Variants in TMOD1 observed in about 807,000 individuals in gnomAD.
TMOD1 encodes tropomodulin-1.
In TMOD1, 17 loss-of-function variants were observed where a neutral mutation model predicts 40.6. That is an observed-to-expected ratio of 0.42 (90% CI 0.29 to 0.63). The LOEUF (loss-of-function observed/expected upper bound fraction) is 0.63. Among genes scored for constraint, TMOD1 ranks in the 20% least tolerant of loss-of-function variants. The pLI, the probability that TMOD1 is intolerant of heterozygous loss-of-function variation, is 0.22. For missense variants in TMOD1, 391 were observed against 447.6 expected, an observed-to-expected ratio of 0.87 and a Z score of 1.14; for synonymous variants, 181 against 175.0, an observed-to-expected ratio of 1.03 and a Z score of -0.27.
At position 97,513,397 on chromosome 9, in the gene TMOD1, G is replaced by T. The variant is rs547151757; in HGVS notation, c.-48-10744G>T. Among the ~76,000 whole-genome samples, 1 of 152,184 alleles carries T rather than the reference G, an allele frequency of 6.6e-6. No individual in the cohort carries two copies. The highest frequency in any genetic ancestry group is 1.9e-4 in the East Asian group (1 of 5,200). Reference sequence around the variant, plus strand: ...GCTGCCCAGTCAGCTAGAGCCAGGGGTAGGGATTTCAGCCCAGGTTTGCAT... The same window carrying T: ...GCTGCCCAGTCAGCTAGAGCCAGGGTTAGGGATTTCAGCCCAGGTTTGCAT... On this transcript the variant is annotated intron_variant, in intron 1 of 9. Coordinates refer to ENST00000259365, the MANE Select transcript of TMOD1 (RefSeq NM_003275.4). This position sits in a 1 kb window ranked among gnomAD's most constrained non-coding sequence, Gnocchi z 4.1.
intron 8 of TMOD1, among the ~76,000 whole-genome samples, chr9:97,574,338 G>C (rs373275404): frequency 6.6e-6 from 1 of 152,106 alleles, no homozygotes; most frequent in African/African-American, 2.4e-5. Context: ...CGCCGGCTCC[G>C]GGCAGTGAGG....
Position 97,599,556 on chromosome 9 carries a change from C to A in TMOD1, c.1016-78C>A. The A allele has an allele frequency of 3.2e-6, 5 of 1,586,230 alleles. No individual in the cohort carries two copies. The South Asian group carries it at 5.6e-5, about 18-fold the overall frequency. ...ACAAACCAATTAGTGCGAGGTTTCA[C>A]AGTGCTTTCTCAGCAACAGTGCTGG... On this transcript the variant is annotated intron_variant, in intron 9 of 9. Coordinates refer to ENST00000259365, the MANE Select transcript of TMOD1 (RefSeq NM_003275.4).
At chr9:97,566,922 TAA>T (rs1830738125) in intron 7 of TMOD1, among the ~76,000 whole-genome samples, 1 of 152,180 alleles carries the variant, frequency 6.6e-6, no homozygotes, top group Admixed American at 6.5e-5. Flanking sequence ...TCCACTTTCA[TAA>T]AGATTCTGGT....
chr9:97,532,396 C>T (rs1270688753), intron 2 of TMOD1, among the ~76,000 whole-genome samples: 1 of 152,164 alleles, frequency 6.6e-6, no homozygotes, highest in Non-Finnish European at 1.5e-5. Flanking sequence ...AAGGCTTGAC[C>T]TTTCCTCCCC....
Position 97,502,108 on chromosome 9 carries a change from TGGA to T in TMOD1, c.-49+310_-49+312del, listed in dbSNP as rs1162399957. Reference sequence around the variant, plus strand: ...TGAACGCGAGAAGGACCCGGGGTTCTGGAGGAGACGGCGCCCCGGGCTGGGGTC... The same window carrying T: ...TGAACGCGAGAAGGACCCGGGGTTCTGGAGACGGCGCCCCGGGCTGGGGTC... On this transcript the variant is annotated intron_variant, in intron 1 of 9. Coordinates refer to ENST00000259365, the MANE Select transcript of TMOD1 (RefSeq NM_003275.4). The surrounding 1 kb of genome is among the most constrained non-coding windows in gnomAD (Gnocchi z 6.1). 2.0e-5 allele frequency among the ~76,000 whole-genome samples: 3 copies of T among 151,954 alleles called. No individual in the cohort carries two copies. Among genetic ancestry groups the T allele is most frequent in the African/African-American group, 7.2e-5 (3 of 41,404 alleles).
rs747767417 is a variant in TMOD1 at position 97,564,055 on chromosome 9, C to A, written c.505C>A (p.Gln169Lys). The change falls in exon 6 of 10, where the codon CAA becomes AAA. Residue 169 changes from glutamine to lysine, a missense_variant. Transcript: ENST00000259365. ...EGLNSVIKPT[Q>K]YKPVPDEEPN... ...CACTCTAGGCGTGATTAAACCCACA[C>A]AATACAAGCCTGTGCCCGACGAAGA... 1.2e-6 allele frequency: 2 copies of A among 1,614,070 alleles called. No individual in the cohort carries two copies. Among genetic ancestry groups the A allele is most frequent in the East Asian group, 4.5e-5 (2 of 44,882 alleles).
intron 1 of TMOD1, among the ~76,000 whole-genome samples, chr9:97,521,169 C>T (rs1052531015): frequency 6.6e-6 from 1 of 152,162 alleles, no homozygotes; most frequent in Non-Finnish European, 1.5e-5. Context: ...GTTTTCCAAA[C>T]TTGGTTTTGT....
At chr9:97,543,409 TATAACA>T (rs1830305884) in intron 2 of TMOD1, among the ~76,000 whole-genome samples, 1 of 152,282 alleles carries the variant, frequency 6.6e-6, no homozygotes, top group African/African-American at 2.4e-5. Context: ...TACCTGATTA[TATAACA>T]ATAGAAGGGA....
intron 8 of TMOD1, among the ~76,000 whole-genome samples, chr9:97,580,713 T>C (rs1825731136): frequency 6.6e-6 from 1 of 152,166 alleles, no homozygotes; most frequent in African/African-American, 2.4e-5. Flanking sequence ...TAGTTTTGTA[T>C]CACAGCAAGG....
rs1389452882 is a variant in TMOD1 at position 97,600,511 on chromosome 9, T to C, written c.*813T>C. The C allele has an allele frequency of 1.0e-6, 1 of 985,570 alleles. No homozygotes were observed. The highest frequency in any genetic ancestry group is 1.2e-6 in the Non-Finnish European group (1 of 830,130). The allele number at this position is 985,570 out of a possible 1,614,324, so 61.1% of individuals were successfully genotyped here. The stretch of plus-strand genomic sequence containing the variant: ...TGTGAAAATCTACGGCCAAATACTT[T>C]TGAAAACACCTTTCTATATTGCACA... On this transcript the variant is annotated 3_prime_UTR_variant, in exon 10 of 10. Coordinates refer to ENST00000259365, the MANE Select transcript of TMOD1 (RefSeq NM_003275.4).
At chr9:97,556,147 G>A (rs998056752) in intron 4 of TMOD1, among the ~76,000 whole-genome samples, 1 of 152,090 alleles carries the variant, frequency 6.6e-6, no homozygotes, top group African/African-American at 2.4e-5. Context: ...GCAGGCCTTC[G>A]ATGAGGCCGA....
intron 1 of TMOD1, among the ~76,000 whole-genome samples, chr9:97,508,184 ATTTC>A (rs1829624926): frequency 6.7e-6 from 1 of 150,244 alleles, no homozygotes. Context: ...AACTTTTAAC[ATTTC>A]TTTCTTTCTT....
At chr9:97,561,626 T>C (rs984859156) in intron 4 of TMOD1, among the ~76,000 whole-genome samples, 4 of 152,204 alleles carry the variant, frequency 2.6e-5, no homozygotes, top group African/African-American at 9.7e-5. Flanking sequence ...CCGCCACACA[T>C]CCAGCTTCTA....
At chr9:97,581,769 GT>G (rs1385776957) in intron 8 of TMOD1, among the ~76,000 whole-genome samples, 1 of 151,960 alleles carries the variant, frequency 6.6e-6, no homozygotes, top group Non-Finnish European at 1.5e-5. Flanking sequence ...TTTTTCATGT[GT>G]TTTTTGGCTA....
chr9:97,557,280 G>C lies in TMOD1; in HGVS notation c.397+3880G>C, dbSNP rs1381800895. ...AAGTTCTTGGCGCATAGCCTACAGG[G>C]TTGTAGGTCAGAGGCTGCTGGGAGT... On this transcript the variant is annotated intron_variant, in intron 4 of 9. Coordinates refer to ENST00000259365, the MANE Select transcript of TMOD1 (RefSeq NM_003275.4). The surrounding 1 kb of genome is among the most constrained non-coding windows in gnomAD (Gnocchi z 4.4). 3.3e-5 allele frequency among the ~76,000 whole-genome samples: 5 copies of C among 152,200 alleles called. No individual in the cohort carries two copies. The highest frequency in any genetic ancestry group is 1.2e-4 in the African/African-American group (5 of 41,444).
chr9:97,537,999 C>T (rs532950855), intron 2 of TMOD1, among the ~76,000 whole-genome samples: 3 of 152,182 alleles, frequency 2.0e-5, no homozygotes, highest in East Asian at 1.9e-4. Flanking sequence ...ATTTGGACTA[C>T]GTGTCAATAT....
chr9:97,594,119 G>A (rs1354587467), intron 9 of TMOD1, among the ~76,000 whole-genome samples: 3 of 152,126 alleles, frequency 2.0e-5, no homozygotes, highest in Non-Finnish European at 4.4e-5. Flanking sequence ...TTTCCTGGAC[G>A]GTGATGCCAG....
At chr9:97,535,927 T>C (rs933077149) in intron 2 of TMOD1, among the ~76,000 whole-genome samples, 3 of 151,588 alleles carry the variant, frequency 2.0e-5, no homozygotes, top group African/African-American at 4.9e-5. Context: ...GGAGGAAGAG[T>C]CCCAGAGTGT....
rs988827104 is a variant in TMOD1, at chr9:97,600,386, A to C, written c.*688A>C. On this transcript the variant is annotated 3_prime_UTR_variant, in exon 10 of 10. Transcript: ENST00000259365. Reference sequence around the variant, plus strand: ...CTTTCATTACCAATCCCAGGCAACAAACATGTCCCTGAGTGTTCTTTAAGA... The same window carrying C: ...CTTTCATTACCAATCCCAGGCAACACACATGTCCCTGAGTGTTCTTTAAGA... 31 of 985,936 alleles carry C rather than the reference A, an allele frequency of 3.1e-5. No homozygotes were observed. The African/African-American group carries it at 3.8e-4, about 12-fold the overall frequency. 61.1% of individuals were successfully genotyped at this position (985,936 alleles called of 1,614,324 possible).
Sources: gnomAD v4.1 joint callset for allele counts (sites outside exome capture counted in the v4.1 genomes callset) on GRCh38, gnomAD v4.1.1 for gene constraint, Gnocchi (gnomAD v3.1) non-coding constraint, MANE v1.5 for transcripts, NCBI Gene and HGNC (gene_info 2026-07-23, HGNC 2026-07-21) for gene names.